Variants in MGAT4C observed in about 807,000 individuals in gnomAD.
The protein encoded by MGAT4C is alpha-1,3-mannosyl-glycoprotein 4-beta-N-acetylglucosaminyltransferase C.
In MGAT4C, 19 loss-of-function variants were observed where a neutral mutation model predicts 40.1. That is an observed-to-expected ratio of 0.47 (90% CI 0.33 to 0.70). MGAT4C has a LOEUF of 0.70. MGAT4C is among the 30% of genes least tolerant of loss of function. The pLI is 0.02. For synonymous variants in MGAT4C, 181 were observed against 187.1 expected (o/e 0.97, Z 0.27); for missense variants, 491 against 563.2 (o/e 0.87, Z 1.30).
chr12:86,072,807 T>A (rs759028484), intron 1 of MGAT4C, among the ~76,000 whole-genome samples: 2 of 152,200 alleles, frequency 1.3e-5, no homozygotes, highest in African/African-American at 4.8e-5. Flanking sequence ...ATTGTGATAA[T>A]AGATTTATGA....
intron 1 of MGAT4C, among the ~76,000 whole-genome samples, chr12:86,093,199 A>G (rs923052314): frequency 1.3e-5 from 2 of 152,144 alleles, no homozygotes; most frequent in Non-Finnish European, 2.9e-5. Flanking sequence ...CCTTCAAAAC[A>G]TCACTTCCCT....
intron 4 of MGAT4C, among the ~76,000 whole-genome samples, chr12:85,982,878 A>G (rs1414399689): frequency 2.0e-5 from 3 of 152,240 alleles, no homozygotes; most frequent in African/African-American, 7.2e-5. Flanking sequence ...ACAGAAAGAC[A>G]AAGAGAAGAA....
At chr12:86,755,307 C>A (rs1258036262) in intron 1 of MGAT4C, among the ~76,000 whole-genome samples, 1 of 152,154 alleles carries the variant, frequency 6.6e-6, no homozygotes, top group Non-Finnish European at 1.5e-5. Flanking sequence ...TATGAGCCAC[C>A]TCCTTACAAT....
rs866134201 is a variant in MGAT4C at position 86,061,479 on chromosome 12, T to A, written c.-56-11756A>T. Among the ~76,000 whole-genome samples the A allele has an allele frequency of 2.6e-5, 4 of 152,036 alleles. No individual in the cohort carries two copies. The Middle Eastern group carries it at 0.01, about 388-fold the overall frequency. On this transcript the variant is annotated intron_variant, in intron 1 of 4. Coordinates refer to ENST00000611864, the MANE Select transcript of MGAT4C (RefSeq NM_001351288.2). ...ACTGCAGGAGTTTTTTTTTTGTTTTTTTTTTTCCATGCCCCAGTGGTGCCT... is the reference window on the plus strand; with the variant it reads ...ACTGCAGGAGTTTTTTTTTTGTTTTATTTTTTCCATGCCCCAGTGGTGCCT...
intron 2 of MGAT4C, among the ~76,000 whole-genome samples, chr12:86,525,569 T>C (rs1958866525): frequency 6.6e-6 from 1 of 152,224 alleles, no homozygotes; most frequent in Non-Finnish European, 1.5e-5. Context: ...CTTCGAGGGC[T>C]TATGTTCTTT....
chr12:86,515,013 T>A (rs539018177), intron 2 of MGAT4C, among the ~76,000 whole-genome samples: 40 of 152,274 alleles, frequency 2.6e-4, no homozygotes, highest in African/African-American at 9.4e-4. Flanking sequence ...TTAGCAAATT[T>A]GTGTTAAAAG....
At chr12:86,072,546 C>T (rs1246182866) in intron 1 of MGAT4C, among the ~76,000 whole-genome samples, 2 of 151,964 alleles carry the variant, frequency 1.3e-5, no homozygotes, top group Non-Finnish European at 2.9e-5. Flanking sequence ...CAAACAGATG[C>T]ATTTTTTCCC....
chr12:86,757,953 C>A (rs1205520757), intron 1 of MGAT4C, among the ~76,000 whole-genome samples: 1 of 152,076 alleles, frequency 6.6e-6, no homozygotes, highest in Non-Finnish European at 1.5e-5. Context: ...ACCATGGAAC[C>A]AATGGATATC....
intron 2 of MGAT4C, among the ~76,000 whole-genome samples, chr12:86,682,381 A>T (rs778092892): frequency 3.0e-4 from 46 of 152,210 alleles, no homozygotes; most frequent in Non-Finnish European, 6.5e-4. Context: ...CTAATTACAC[A>T]ATAATTCCAA....
intron 1 of MGAT4C, among the ~76,000 whole-genome samples, chr12:86,747,453 C>T (rs889849699): frequency 8.6e-5 from 13 of 151,548 alleles, no homozygotes; most frequent in Admixed American, 2.0e-4. Flanking sequence ...TAGCTACTCA[C>T]GAATAATTTC....
At chr12:86,521,548 T>G (rs1937208104) in intron 2 of MGAT4C, among the ~76,000 whole-genome samples, 1 of 152,166 alleles carries the variant, frequency 6.6e-6, no homozygotes, top group Non-Finnish European at 1.5e-5. Flanking sequence ...GCCTTGGCTA[T>G]TCAGGCTTCG....
intron 2 of MGAT4C, among the ~76,000 whole-genome samples, chr12:86,015,455 T>C (rs529954054): frequency 6.6e-6 from 1 of 152,204 alleles, no homozygotes; most frequent in East Asian, 1.9e-4. Flanking sequence ...CCATCTTGAC[T>C]GTACGGAAGG....
chr12:86,211,406 C>CAAAAAAAAAAAAAAA (rs58874795), intron 1 of MGAT4C, among the ~76,000 whole-genome samples: 8 of 35,516 alleles, frequency 2.3e-4, no homozygotes, highest in Non-Finnish European at 2.3e-4. Flanking sequence ...ACTACAAATA[C>CAAAAAAAAAAAAAAA]AAAAAAAAAA....
chr12:86,248,141 T>C (rs1282936270), intron 1 of MGAT4C, among the ~76,000 whole-genome samples: 1 of 152,118 alleles, frequency 6.6e-6, no homozygotes, highest in African/African-American at 2.4e-5. Context: ...TGCTCTTTAG[T>C]GGACATCTCA....
At chr12:86,403,430 A>C (rs1369012810) in intron 3 of MGAT4C, among the ~76,000 whole-genome samples, 1 of 152,252 alleles carries the variant, frequency 6.6e-6, no homozygotes, top group Non-Finnish European at 1.5e-5. Flanking sequence ...AATCTAATAG[A>C]ATTTTTGCTA....
intron 1 of MGAT4C, among the ~76,000 whole-genome samples, chr12:86,055,401 T>A (rs536597299): frequency 6.6e-6 from 1 of 152,006 alleles, no homozygotes; most frequent in Non-Finnish European, 1.5e-5. Flanking sequence ...TGAGCTGAAA[T>A]TGTACATTAG....
intron 1 of MGAT4C, among the ~76,000 whole-genome samples, chr12:86,812,976 G>A (rs1355357946): frequency 1.3e-5 from 2 of 152,096 alleles, no homozygotes; most frequent in African/African-American, 4.8e-5. Flanking sequence ...AGCCTAGATA[G>A]GATGCCTACT....
chr12:86,075,454 T>C (rs1206620882), intron 1 of MGAT4C, among the ~76,000 whole-genome samples: 1 of 152,140 alleles, frequency 6.6e-6, no homozygotes, highest in Admixed American at 6.5e-5. Flanking sequence ...TGCAGGCACA[T>C]GGATCAAGTT....
In MGAT4C at chr12:85,979,091, T is replaced by C. The variant is rs1323476989; in HGVS notation, c.*198A>G. 1 of 439,658 alleles carries C rather than the reference T, an allele frequency of 2.3e-6. No homozygotes were observed. Among genetic ancestry groups the C allele is most frequent in the Non-Finnish European group, 4.0e-6 (1 of 249,136 alleles). The allele number at this position is 439,658 out of a possible 1,614,324, so 27.2% of individuals were successfully genotyped here. ...AAGTAGCATTAGCTATAGACTGATA[T>C]TCAACTTCAGACGTTAAAATAAATA... On this transcript the variant is annotated 3_prime_UTR_variant, in exon 5 of 5. Transcript: ENST00000611864.
Sources: gnomAD v4.1 joint callset for allele counts (sites outside exome capture counted in the v4.1 genomes callset) on GRCh38, gnomAD v4.1.1 for gene constraint, MANE v1.5 for transcripts, NCBI Gene and HGNC (gene_info 2026-07-23, HGNC 2026-07-21) for gene names.